NAALADL2: variants seen among roughly 807,000 people sequenced by gnomAD.
The protein encoded by NAALADL2 is inactive N-acetylated-alpha-linked acidic dipeptidase-like protein 2.
A neutral mutation model predicts 87.2 loss-of-function variants in NAALADL2; 76 were observed. That is an observed-to-expected ratio of 0.87 (90% CI 0.72 to 1.05). NAALADL2 has a LOEUF of 1.05. NAALADL2 is among the 50% of genes least tolerant of loss of function. The probability of loss-of-function intolerance (pLI) is 0.00; values close to 1 mark genes in which losing one functional copy is unlikely to be tolerated. For synonymous variants in NAALADL2, 354 were observed against 331.0 expected (o/e 1.07, Z -0.75); for missense variants, 1,089 against 945.8 (o/e 1.15, Z -1.99).
chr3:175,196,667 A>G (rs1739057650), intron 2 of NAALADL2, among the ~76,000 whole-genome samples: 1 of 151,952 alleles, frequency 6.6e-6, no homozygotes, highest in Admixed American at 6.6e-5. Context: ...GCACCCACGT[A>G]AAAGTTGCAT....
intron 13 of NAALADL2, chr3:175,767,803 G>C (rs1748930131): frequency 6.6e-6 from 1 of 152,034 alleles, no homozygotes; most frequent in Admixed American, 6.6e-5. Flanking sequence ...GCAGTTCTCA[G>C]GCAGGCAACT....
intron 5 of NAALADL2, among the ~76,000 whole-genome samples, chr3:175,334,964 C>G (rs959967771): frequency 6.6e-6 from 1 of 152,088 alleles, no homozygotes; most frequent in Non-Finnish European, 1.5e-5. Flanking sequence ...TCCCCCAGAA[C>G]GTTGTGCCGT....
At chr3:175,300,286 G>C (rs1661081958) in intron 4 of NAALADL2, among the ~76,000 whole-genome samples, 1 of 152,154 alleles carries the variant, frequency 6.6e-6, no homozygotes, top group African/African-American at 2.4e-5. Context: ...TTTCGTATCA[G>C]GATGATGCTG....
chr3:174,635,807 T>C (rs1322212888), intron 2 of NAALADL2, among the ~76,000 whole-genome samples: 1 of 152,078 alleles, frequency 6.6e-6, no homozygotes, highest in African/African-American at 2.4e-5. Flanking sequence ...CTGGACGATA[T>C]TCACATTGTT....
intron 1 of NAALADL2, among the ~76,000 whole-genome samples, chr3:174,483,057 A>G (rs373427493): frequency 1.4e-4 from 21 of 152,114 alleles, no homozygotes; most frequent in African/African-American, 5.1e-4. Flanking sequence ...AGATACATCC[A>G]GTGTTTCTCC....
At chr3:174,844,742 A>G (rs1724396840) in intron 3 of NAALADL2, among the ~76,000 whole-genome samples, 1 of 146,916 alleles carries the variant, frequency 6.8e-6, no homozygotes, top group Admixed American at 6.8e-5. Context: ...TCTTTTTTAG[A>G]TAGTCTGTTA....
In NAALADL2 at chr3:175,219,513, T is replaced by TATA. The variant is rs1172127620; in HGVS notation, c.546-14417_546-14415dup. Among the ~76,000 whole-genome samples the TATA allele has an allele frequency of 2.6e-5, 4 of 152,272 alleles. No individual in the cohort carries two copies. In the South Asian group the frequency reaches 8.3e-4, roughly 32 times the overall value. ...AAACTTTTATGGCATCTTTAATGAT[T>TATA]ATAGCTTTTTAATTTCAGTGAAATC... is the stretch of plus-strand genomic sequence containing the variant. On this transcript the variant is annotated intron_variant, in intron 2 of 13. Coordinates refer to ENST00000454872, the MANE Select transcript of NAALADL2 (RefSeq NM_207015.3).
At chr3:174,748,283 T>G (rs1367339766) in intron 3 of NAALADL2, among the ~76,000 whole-genome samples, 1 of 152,062 alleles carries the variant, frequency 6.6e-6, no homozygotes, top group Non-Finnish European at 1.5e-5. Flanking sequence ...GTAAGGAACC[T>G]GTATGTCCTG....
chr3:175,580,892 T>G (rs1582488289), intron 10 of NAALADL2, among the ~76,000 whole-genome samples: 2 of 152,226 alleles, frequency 1.3e-5, no homozygotes, highest in East Asian at 3.9e-4. Flanking sequence ...CAAAGATTCC[T>G]CAAAACAGAG....
At chr3:175,460,495 A>C (rs1033852517) in intron 6 of NAALADL2, among the ~76,000 whole-genome samples, 3 of 152,200 alleles carry the variant, frequency 2.0e-5, no homozygotes, top group African/African-American at 7.2e-5. Flanking sequence ...AGAGCAAAAG[A>C]TTAGGTTTAT....
intron 2 of NAALADL2, among the ~76,000 whole-genome samples, chr3:175,143,486 C>T (rs1730308811): frequency 7.0e-6 from 1 of 143,530 alleles, no homozygotes; most frequent in African/African-American, 2.6e-5. Flanking sequence ...AACAGAACGA[C>T]TTGTTTGGCA....
intron 9 of NAALADL2, among the ~76,000 whole-genome samples, chr3:175,509,726 T>C (rs1730866777): frequency 6.6e-6 from 1 of 152,218 alleles, no homozygotes; most frequent in South Asian, 2.1e-4. Context: ...TGCGAGAGAC[T>C]GGGTAATTTA....
At chr3:175,431,358 TTTTGTTTG>T (rs569729853) in intron 5 of NAALADL2, among the ~76,000 whole-genome samples, 5 of 151,990 alleles carry the variant, frequency 3.3e-5, no homozygotes, top group East Asian at 1.9e-4. Context: ...AATAGAGATT[TTTTGTTTG>T]TTTGTTTGTT....
intron 4 of NAALADL2, among the ~76,000 whole-genome samples, chr3:175,273,735 T>C (rs112469255): frequency 4.6e-5 from 7 of 150,666 alleles, no homozygotes; most frequent in African/African-American, 1.5e-4. Context: ...TGTGTGTGCG[T>C]GTGTGTGTGT....
chr3:175,444,749 G>A (rs564210153), intron 5 of NAALADL2, among the ~76,000 whole-genome samples: 1 of 152,290 alleles, frequency 6.6e-6, no homozygotes, highest in East Asian at 1.9e-4. Context: ...CCTACGCTGT[G>A]GTCCGAATGC....
At chr3:174,994,986 T>A (rs1747234755) in intron 1 of NAALADL2, among the ~76,000 whole-genome samples, 1 of 152,136 alleles carries the variant, frequency 6.6e-6, no homozygotes, top group Admixed American at 6.5e-5. Context: ...AATGGAAAGA[T>A]CATTGTGAAT....
intron 1 of NAALADL2, among the ~76,000 whole-genome samples, chr3:175,038,046 G>A (rs946173171): frequency 6.6e-6 from 1 of 152,112 alleles, no homozygotes; most frequent in African/African-American, 2.4e-5. Context: ...GAGAGGAAGA[G>A]AAATATGACA....
At chr3:174,925,128 G>C (rs1028354472) in intron 1 of NAALADL2, among the ~76,000 whole-genome samples, 2 of 152,114 alleles carry the variant, frequency 1.3e-5, no homozygotes, top group Non-Finnish European at 2.9e-5. Context: ...TGGTGTTTTA[G>C]ACATGAAGTC....
At chr3:175,342,506 G>A (rs1020837791) in intron 5 of NAALADL2, among the ~76,000 whole-genome samples, 4 of 83,612 alleles carry the variant, frequency 4.8e-5, no homozygotes, top group African/African-American at 2.1e-4. Flanking sequence ...CAAATATTGC[G>A]TGTGTGTGTG....
Sources: gnomAD v4.1 joint callset for allele counts (sites outside exome capture counted in the v4.1 genomes callset) on GRCh38, gnomAD v4.1.1 for gene constraint, MANE v1.5 for transcripts, NCBI Gene and HGNC (gene_info 2026-07-23, HGNC 2026-07-21) for gene names.